The following CDH10 variants were observed in gnomAD, a reference collection of about 807,000 sequenced individuals.
CDH10 encodes cadherin-10.
Under a neutral mutation model 73.1 loss-of-function variants are expected in CDH10, and 30 were observed. The observed-to-expected ratio is 0.41, with a 90% CI of 0.31 to 0.56. The LOEUF (loss-of-function observed/expected upper bound fraction) is 0.56. Among genes scored for constraint, CDH10 ranks in the 20% least tolerant of loss-of-function variants. The probability of loss-of-function intolerance (pLI) is 0.27; values close to 1 mark genes in which losing one functional copy is unlikely to be tolerated. For missense variants in CDH10, 815 were observed against 973.7 expected (o/e 0.84, Z 2.17); for synonymous variants, 345 against 348.2 (o/e 0.99, Z 0.10).
chr5:24,621,626 T>A (rs1747318900), intron 1 of CDH10, among the ~76,000 whole-genome samples: 1 of 152,208 alleles, frequency 6.6e-6, no homozygotes, highest in Non-Finnish European at 1.5e-5. Context: ...TTGGAAAGTC[T>A]GGGGAAGCCT....
chr5:24,584,006 C>G (rs1745889487), intron 2 of CDH10, among the ~76,000 whole-genome samples: 1 of 152,120 alleles, frequency 6.6e-6, no homozygotes, highest in African/African-American at 2.4e-5. Context: ...GTCATACGTT[C>G]AGGGTCAGAA....
chr5:24,581,147 C>T (rs903925239), intron 2 of CDH10, among the ~76,000 whole-genome samples: 1 of 152,112 alleles, frequency 6.6e-6, no homozygotes, highest in African/African-American at 2.4e-5. Context: ...ATTCTGGGCA[C>T]CCCCCGACCC....
intron 2 of CDH10, among the ~76,000 whole-genome samples, chr5:24,563,458 A>AAG (rs1241580281): frequency 6.6e-6 from 1 of 150,536 alleles, no homozygotes; most frequent in Non-Finnish European, 1.5e-5. Context: ...GCTTAAAAAA[A>AAG]AAAAACTATG....
intron 1 of CDH10, among the ~76,000 whole-genome samples, chr5:24,631,075 C>T (rs1026592348): frequency 1.3e-5 from 2 of 152,014 alleles, no homozygotes; most frequent in East Asian, 1.9e-4. Flanking sequence ...GCAGTGAGAG[C>T]AATTTACCAC....
intron 1 of CDH10, among the ~76,000 whole-genome samples, chr5:24,611,286 C>T (rs542512549): frequency 2.0e-5 from 3 of 152,030 alleles, no homozygotes; most frequent in African/African-American, 2.4e-5. Flanking sequence ...CTGGTTAAAC[C>T]GGGATTTTTT....
chr5:24,499,318 A>G (rs532033393), intron 8 of CDH10: 1 of 152,622 alleles, frequency 6.6e-6, no homozygotes, highest in South Asian at 2.1e-4. Flanking sequence ...CAGTAGTAAG[A>G]AATAGCATAC....
chr5:24,634,393 C>T (rs918603753), intron 1 of CDH10, among the ~76,000 whole-genome samples: 1 of 151,592 alleles, frequency 6.6e-6, no homozygotes, highest in Non-Finnish European at 1.5e-5. Context: ...AGTATATATA[C>T]ATTTAGATGA....
chr5:24,519,629 G>C (rs753339545), intron 5 of CDH10, among the ~76,000 whole-genome samples: 9 of 152,058 alleles, frequency 5.9e-5, no homozygotes, highest in Non-Finnish European at 1.3e-4. Flanking sequence ...CCAGGCAAAT[G>C]CAAATTAAAG....
intron 2 of CDH10, among the ~76,000 whole-genome samples, chr5:24,576,696 G>A (rs1745611974): frequency 6.6e-6 from 1 of 152,062 alleles, no homozygotes; most frequent in East Asian, 1.9e-4. Flanking sequence ...TAAATGAACA[G>A]GGGAGAAGAG....
At chr5:24,542,488 T>C (rs1297518723) in intron 2 of CDH10, among the ~76,000 whole-genome samples, 1 of 152,160 alleles carries the variant, frequency 6.6e-6, no homozygotes, top group Non-Finnish European at 1.5e-5. Flanking sequence ...TAACATGCTG[T>C]ACAGGTTTGT....
chr5:24,566,073 G>C (rs556854480), intron 2 of CDH10, among the ~76,000 whole-genome samples: 1 of 152,200 alleles, frequency 6.6e-6, no homozygotes, highest in African/African-American at 2.4e-5. Flanking sequence ...TTTTGAGACA[G>C]AGTCTCACCC....
At chr5:24,525,291 T>A (rs1310514484) in intron 5 of CDH10, among the ~76,000 whole-genome samples, 1 of 152,058 alleles carries the variant, frequency 6.6e-6, no homozygotes, top group Non-Finnish European at 1.5e-5. Context: ...GCTACTCACA[T>A]TTACATTAAA....
chr5:24,563,630 G>C (rs1171041075), intron 2 of CDH10, among the ~76,000 whole-genome samples: 1 of 147,900 alleles, frequency 6.8e-6, no homozygotes, highest in Admixed American at 6.8e-5. Flanking sequence ...AGCCGGCGTG[G>C]TGGCCGGCAG....
intron 2 of CDH10, among the ~76,000 whole-genome samples, chr5:24,584,445 C>CTTTTTTTTTTTTTTTTT: frequency 3.6e-5 from 1 of 28,088 alleles, no homozygotes; most frequent in Non-Finnish European, 8.0e-5. Flanking sequence ...CTTTCTTTTC[C>CTTTTTTTTTTTTTTTTT]TTTTTTTTTT....
chr5:24,585,408 A>G (rs2112069794), intron 2 of CDH10, among the ~76,000 whole-genome samples: 1 of 152,112 alleles, frequency 6.6e-6, no homozygotes, highest in Non-Finnish European at 1.5e-5. Context: ...CAACACACAA[A>G]CATACTTTTT....
rs183862453 is a variant in CDH10 at position 24,495,146 on chromosome 5, C to T, written c.1516-2221G>A. On this transcript the variant is annotated intron_variant, in intron 9 of 11. Coordinates refer to ENST00000264463, the MANE Select transcript of CDH10 (RefSeq NM_006727.5). ...CAACAAGGAGGTAAAATTATTTTCCCTGGCTCTTTCTATAAGCATCCACTG... is the reference window on the plus strand; with the variant it reads ...CAACAAGGAGGTAAAATTATTTTCCTTGGCTCTTTCTATAAGCATCCACTG... 9.7e-4 allele frequency among the ~76,000 whole-genome samples: 147 copies of T among 152,202 alleles called. 1 individual carries two copies. The highest frequency in any genetic ancestry group is 3.5e-3 in the African/African-American group (144 of 41,540).
intron 2 of CDH10, among the ~76,000 whole-genome samples, chr5:24,561,818 C>T (rs907186936): frequency 6.6e-5 from 10 of 151,926 alleles, no homozygotes; most frequent in African/African-American, 1.7e-4. Context: ...GTAAATAAAC[C>T]GCAGGACACT....
intron 1 of CDH10, among the ~76,000 whole-genome samples, chr5:24,597,465 T>C (rs1221498026): frequency 1.3e-5 from 2 of 152,124 alleles, no homozygotes; most frequent in African/African-American, 2.4e-5. Context: ...GAATATAAGC[T>C]ATATGGCGAC....
At chr5:24,520,834 C>T (rs1049916247) in intron 5 of CDH10, among the ~76,000 whole-genome samples, 3 of 152,108 alleles carry the variant, frequency 2.0e-5, no homozygotes, top group Admixed American at 2.0e-4. Context: ...TCAAGCAATT[C>T]TCCCATCTCA....
Sources: gnomAD v4.1 joint callset for allele counts (sites outside exome capture counted in the v4.1 genomes callset) on GRCh38, gnomAD v4.1.1 for gene constraint, MANE v1.5 for transcripts, NCBI Gene and HGNC (gene_info 2026-07-23, HGNC 2026-07-21) for gene names.